Variants in EML3 observed in about 807,000 individuals in gnomAD.
The protein encoded by EML3 is EMAP like 3, also known as echinoderm microtubule-associated protein-like 3.
Under a neutral mutation model 106.7 loss-of-function variants are expected in EML3, and 53 were observed. The observed-to-expected ratio is 0.50, with a 90% confidence interval of 0.40 to 0.62. The LOEUF is 0.62. Among genes scored for constraint, EML3 ranks in the 20% least tolerant of loss-of-function variants. The pLI, the probability that EML3 is intolerant of heterozygous loss-of-function variation, is 0.00. For synonymous variants in EML3, 499 were observed against 489.6 expected (o/e 1.02, Z -0.25); for missense variants, 994 against 1,209.1 (o/e 0.82, Z 2.64).
chr11:62,602,578 C>A lies in EML3; in HGVS notation c.2588G>T (p.Ser863Ile). 6.5e-7 allele frequency: 1 copy of A among 1,536,640 alleles called. No homozygotes were observed. Among genetic ancestry groups the A allele is most frequent in the South Asian group, 1.2e-5 (1 of 82,612 alleles). The change falls in exon 22 of 22, where the codon AGC becomes ATC. Residue 863 changes from serine to isoleucine, a missense_variant. By Grantham distance (142) the Ser-to-Ile change is moderately radical (BLOSUM62 -2). Coordinates refer to ENST00000394773, the MANE Select transcript of EML3 (RefSeq NM_153265.3). ...GCCCAGCACTCGCCACTGGAAGATG[C>A]TGGCGTCCTTGCCGCCCAGCGAGAC... ...HLVSLGGKDA[S>I]IFQWRVLGAG... is the part of the protein sequence containing the mutation.
Position 62,605,068 on chromosome 11 carries a change from C to CA in EML3, c.1982+44dup. 6.3e-7 allele frequency: 1 copy of CA among 1,584,376 alleles called. No homozygotes were observed. On this transcript the variant is annotated intron_variant, in intron 16 of 21. Transcript: ENST00000394773. The surrounding 1 kb of genome is among the most constrained non-coding windows in gnomAD (Gnocchi z 5.2). The stretch of plus-strand genomic sequence containing the variant: ...CTCCCCCAGTACCAGGAACCCTTCC[C>CA]AGTCCTCCCTGCTTTCCCTCCTGGG...
chr11:62,611,677 T>C, intron 1 of EML3, 81 bp from the exon 2 acceptor site: 2 of 1,463,496 alleles, frequency 1.4e-6, no homozygotes, highest in African/African-American at 2.8e-5. Flanking sequence ...CCCACAACTT[T>C]ACATGTGTCC....
rs370198802 is a variant in EML3 at position 62,604,070 on chromosome 11, G to A, written c.2072-29C>T. 14 of 1,613,962 alleles carry A rather than the reference G, an allele frequency of 8.7e-6. No homozygotes were observed. The Admixed American group carries it at 1.2e-4, about 13-fold the overall frequency. ...CAAATACAGTCACTCAGAGAGGGAA[G>A]GGCCAGGGACGCATGTGAGTCCAGG... On this transcript the variant is annotated intron_variant, in intron 17 of 21. Coordinates refer to ENST00000394773, the MANE Select transcript of EML3 (RefSeq NM_153265.3).
In EML3 at chr11:62,605,174, C is replaced by A; in HGVS notation, c.1921G>T (p.Gly641Cys). 1 of 1,612,516 alleles carries A rather than the reference C, an allele frequency of 6.2e-7. No individual in the cohort carries two copies. Among genetic ancestry groups the A allele is most frequent in the Non-Finnish European group, 8.5e-7 (1 of 1,179,168 alleles). Residue 641 changes from glycine (G) to cysteine (C), a missense_variant, in exon 16 of 22, where the codon GGT (glycine) becomes TGT (cysteine). Gly to Cys is a radical substitution (Grantham distance 159). Transcript: ENST00000394773. This position sits in a 1 kb window ranked among gnomAD's most constrained non-coding sequence, Gnocchi z 5.2. ...LAWSIDLKET[G>C]LCADFHPSGA... The stretch of plus-strand genomic sequence containing the variant: ...CTCGGGTGGAAGTCAGCACAGAGAC[C>A]AGTCTCCTGGGAGAGGGGAGAAGGT...
Position 62,605,632 on chromosome 11 carries a change from AG to A in EML3, c.1914+9del. ...TGTGGCATGGGGGATCCAGGGGCAC[AG>A]GGCTCTACCTTGAGGTCGATGCTCC... On this transcript the variant is annotated intron_variant, in intron 15 of 21. Coordinates refer to ENST00000394773, the MANE Select transcript of EML3 (RefSeq NM_153265.3). The surrounding 1 kb of genome is among the most constrained non-coding windows in gnomAD (Gnocchi z 5.2). The A allele has an allele frequency of 6.6e-7, 1 of 1,521,352 alleles. No individual in the cohort carries two copies. The highest frequency in any genetic ancestry group is 8.8e-7 in the Non-Finnish European group (1 of 1,133,860). The allele number at this position is 1,521,352 out of a possible 1,614,324, so 94.2% of individuals were successfully genotyped here.
rs200419882 is a variant in EML3 at position 62,606,011 on chromosome 11, C to T, written c.1657-31G>A. ...GAGTGGTAGCAGAATGTCAAGAGCCCACTGACTATTGCTCTTCTCCCTCAC... is the reference window on the plus strand; with the variant it reads ...GAGTGGTAGCAGAATGTCAAGAGCCTACTGACTATTGCTCTTCTCCCTCAC... On this transcript the variant is annotated intron_variant, in intron 13 of 21. Transcript: ENST00000394773. 4.9e-4 allele frequency: 786 copies of T among 1,613,736 alleles called. 6 individuals are homozygous for T. The highest frequency in any genetic ancestry group is 2.7e-5 in the African/African-American group (2 of 75,068).
rs750917809 is a variant in EML3, at chr11:62,611,160, T to C, written c.379A>G (p.Ser127Gly). Residue 127 changes from serine to glycine, a missense_variant, in exon 3 of 22, where the codon AGC (serine) becomes GGC (glycine). Physicochemically the swap from Ser to Gly is moderately conservative, Grantham distance 56. Around this residue, in one of 3 missense-constraint regions of EML3, gnomAD observed 269 missense variants for 265.1 expected, o/e 1.01. Transcript: ENST00000394773. The stretch of plus-strand genomic sequence containing the variant: ...CCAGGGGAGCCAGCACCACTGCTGC[T>C]GCTGCCCCCTCCTTCAGATTGGGTC... Reference protein sequence around the residue: ...SGTQSEGGGSSSSGAGSPGPP... With the variant: ...SGTQSEGGGSGSSGAGSPGPP... The C allele has an allele frequency of 6.9e-6, 11 of 1,603,186 alleles. No individual in the cohort carries two copies. Among genetic ancestry groups the C allele is most frequent in the Non-Finnish European group, 9.3e-6 (11 of 1,178,638 alleles).
chr11:62,611,403 T>C (rs747462639), intron 2 of EML3, 22 bp downstream of exon 2: 1 of 1,613,402 alleles, frequency 6.2e-7, no homozygotes, highest in African/African-American at 1.3e-5. Flanking sequence ...GGAGGAAAAA[T>C]GGGGTGTGAT....
rs1464047580 is a variant in EML3, at chr11:62,602,905, G to A, written c.2357-16C>T. On this transcript the variant is annotated splice_polypyrimidine_tract_variant and intron_variant, in intron 20 of 21. Transcript: ENST00000394773. Reference sequence around the variant, plus strand: ...GGCCAGACGCCTAGCACAGCGGCCGGCCTCAGCCCGACCTCCTACCCACCG... The same window carrying A: ...GGCCAGACGCCTAGCACAGCGGCCGACCTCAGCCCGACCTCCTACCCACCG... 2.6e-6 allele frequency: 4 copies of A among 1,529,794 alleles called. No individual in the cohort carries two copies. Among genetic ancestry groups the A allele is most frequent in the South Asian group, 2.5e-5 (2 of 81,282 alleles). 94.8% of individuals were successfully genotyped at this position (1,529,794 alleles called of 1,614,324 possible). A position where few individuals can be genotyped will look rare whatever the true frequency, so the allele number is the denominator to read the frequency against.
At chr11:62,609,235 A>G in intron 6 of EML3, 103 bp from the exon 7 acceptor site, 2 of 1,565,964 alleles carry the variant, frequency 1.3e-6, no homozygotes, top group Non-Finnish European at 1.7e-6. Flanking sequence ...GAGCAGAATG[A>G]TGGTAGGAGA....
In EML3 at chr11:62,603,927, C is replaced by T. The variant is rs2134350923; in HGVS notation, c.2169+17G>A. On this transcript the variant is annotated intron_variant, in intron 18 of 21. Transcript: ENST00000394773. ...GCAGCTGTTATCATGCCCCACCACA[C>T]ACCCCAACTTCCTCACCATACAGCG... 6.2e-7 allele frequency: 1 copy of T among 1,613,952 alleles called. No individual in the cohort carries two copies. The highest frequency in any genetic ancestry group is 1.1e-5 in the South Asian group (1 of 91,082).
chr11:62,612,098 G>C (rs996067636), intron 1 of EML3: 1 of 449,760 alleles, frequency 2.2e-6, no homozygotes, highest in Non-Finnish European at 4.0e-6. Context: ...GAGTGTGAGT[G>C]GTGAGCAGAG....
chr11:62,605,780 C>A lies in EML3; in HGVS notation c.1783-7G>T. Reference sequence around the variant, plus strand: ...AGAGCTCATCAGTGTGGCCCTGCAGCACAGCATGACTGTCACTCCTGCCCC... The same window carrying A: ...AGAGCTCATCAGTGTGGCCCTGCAGAACAGCATGACTGTCACTCCTGCCCC... On this transcript the variant is annotated splice_region_variant and splice_polypyrimidine_tract_variant and intron_variant, in intron 14 of 21. Transcript: ENST00000394773. The surrounding 1 kb of genome is among the most constrained non-coding windows in gnomAD (Gnocchi z 5.2). 1 of 1,598,206 alleles carries A rather than the reference C, an allele frequency of 6.3e-7. No individual in the cohort carries two copies. The highest frequency in any genetic ancestry group is 8.5e-7 in the Non-Finnish European group (1 of 1,170,724).
chr11:62,603,606 A>G, intron 19 of EML3, 123 bp downstream of exon 19: 4 of 814,710 alleles, frequency 4.9e-6, no homozygotes, highest in Non-Finnish European at 7.9e-6. Flanking sequence ...TCTCCTACAT[A>G]TAATTCCAAC....
At chr11:62,606,856 CAA>C (rs71056532) in intron 12 of EML3, 100 bp downstream of exon 12, 25,965 of 895,568 alleles carry the variant, frequency 0.029, no homozygotes, top group East Asian at 0.053. Flanking sequence ...GACCTCATCT[CAA>C]AAAAAAAAAA....
At chr11:62,606,035 A>T in intron 13 of EML3, 28 bp downstream of exon 13, 1 of 1,612,494 alleles carries the variant, frequency 6.2e-7, no homozygotes, top group Non-Finnish European at 8.5e-7. Context: ...CTTCTCCCTC[A>T]CTCCCTTGAC....
At position 62,612,712 on chromosome 11, in the gene EML3, A is replaced by T. The variant is rs1324349755; in HGVS notation, c.-255T>A. ...TCTCGGCTCCCGGGGGTGGGGTGGC[A>T]GGGCCGTCCGGTGCCACAGCGCCGC... On this transcript the variant is annotated 5_prime_UTR_variant, in exon 1 of 22. Coordinates refer to ENST00000394773, the MANE Select transcript of EML3 (RefSeq NM_153265.3). The T allele has an allele frequency of 3.9e-6, 1 of 257,052 alleles. No individual in the cohort carries two copies. The highest frequency in any genetic ancestry group is 7.3e-6 in the Non-Finnish European group (1 of 137,920). 15.9% of individuals were successfully genotyped at this position (257,052 alleles called of 1,614,324 possible). A position where few individuals can be genotyped will look rare whatever the true frequency, so the allele number is the denominator to read the frequency against.
In EML3 at chr11:62,603,973, C is replaced by T; in HGVS notation, c.2140G>A (p.Ala714Thr). The T allele has an allele frequency of 6.2e-7, 1 of 1,614,110 alleles. No homozygotes were observed. The highest frequency in any genetic ancestry group is 8.5e-7 in the Non-Finnish European group (1 of 1,180,034). Residue 714 changes from alanine to threonine, a missense_variant, in exon 18 of 22, where the codon GCC becomes ACC. This residue lies in a region of EML3 where 713 missense variants were observed against 920.5 expected (regional missense o/e 0.77). Coordinates refer to ENST00000394773, the MANE Select transcript of EML3 (RefSeq NM_153265.3). ...IYIYSVSSDG[A>T]KSSRFGRCMG... ...CAGCGGCCAAAGCGGCTGGATTTGGCACCATCACTGGAAACACTATAGATG... is the reference window on the plus strand; with the variant it reads ...CAGCGGCCAAAGCGGCTGGATTTGGTACCATCACTGGAAACACTATAGATG...
At chr11:62,607,931 C>G in intron 10 of EML3, 110 bp from the exon 11 acceptor site, 1 of 1,290,960 alleles carries the variant, frequency 7.7e-7, no homozygotes, top group African/African-American at 1.5e-5. Context: ...CCAGAAACCC[C>G]AGGACAACCC....
Sources: gnomAD v4.1 joint callset for allele counts on GRCh38, gnomAD v4.1.1 for gene constraint, gnomAD v4.1.1 regional missense constraint, Gnocchi (gnomAD v3.1) non-coding constraint, MANE v1.5 for transcripts, NCBI Gene and HGNC (gene_info 2026-07-23, HGNC 2026-07-21) for gene names.